SPEF2: variants seen among roughly 807,000 people sequenced by gnomAD.
The protein encoded by SPEF2 is sperm flagellar and cilia associated 2.
Under a neutral mutation model 224.6 loss-of-function variants are expected in SPEF2, and 187 were observed. The observed-to-expected ratio is 0.83, with a 90% CI of 0.74 to 0.94. The LOEUF is 0.94. Among genes scored for constraint, SPEF2 ranks in the 40% least tolerant of loss-of-function variants. SPEF2 has a pLI of 0.00. For missense variants in SPEF2, 2,170 were observed against 2,135.6 expected (o/e 1.02, Z -0.32); for synonymous variants, 715 against 707.3 (o/e 1.01, Z -0.17).
intron 1 of SPEF2, among the ~76,000 whole-genome samples, chr5:35,618,646 A>G (rs190564564): frequency 2.0e-5 from 3 of 152,130 alleles, no homozygotes; most frequent in Admixed American, 1.3e-4. Context: ...AACATTTACA[A>G]ATTTTAGTAA....
chr5:35,692,244 C>G (rs1206407499), intron 11 of SPEF2, among the ~76,000 whole-genome samples: 1 of 151,918 alleles, frequency 6.6e-6, no homozygotes, highest in African/African-American at 2.4e-5. Context: ...AACCCCATCT[C>G]TACTAAAAAT....
At chr5:35,744,075 A>G (rs2149701432) in intron 23 of SPEF2, among the ~76,000 whole-genome samples, 1 of 152,350 alleles carries the variant, frequency 6.6e-6, no homozygotes, top group Middle Eastern at 3.4e-3. Context: ...TATCAATACC[A>G]TAAACCTTGC....
intron 26 of SPEF2, among the ~76,000 whole-genome samples, chr5:35,769,182 T>C (rs1286954201): frequency 6.6e-6 from 1 of 152,120 alleles, no homozygotes; most frequent in African/African-American, 2.4e-5. Flanking sequence ...ATAATTATCA[T>C]CATCACAAAG....
At chr5:35,635,477 A>G (rs992115669) in intron 2 of SPEF2, among the ~76,000 whole-genome samples, 33 of 152,178 alleles carry the variant, frequency 2.2e-4, no homozygotes, top group African/African-American at 8.0e-4. Flanking sequence ...TTGCTCTAGT[A>G]TATTGACTTT....
chr5:35,643,085 G>C (rs535098955), intron 3 of SPEF2, among the ~76,000 whole-genome samples: 3 of 152,276 alleles, frequency 2.0e-5, no homozygotes, highest in Admixed American at 2.0e-4. Flanking sequence ...AAAAAGAGTG[G>C]ACTAACTGGA....
intron 2 of SPEF2, among the ~76,000 whole-genome samples, chr5:35,635,795 T>G (rs1313001084): frequency 6.6e-6 from 1 of 152,204 alleles, no homozygotes; most frequent in Non-Finnish European, 1.5e-5. Context: ...TGCTTCAGCC[T>G]CATAGAGTGT....
intron 20 of SPEF2, among the ~76,000 whole-genome samples, chr5:35,725,007 C>G (rs1191117952): frequency 6.6e-6 from 1 of 151,822 alleles, no homozygotes; most frequent in Non-Finnish European, 1.5e-5. Context: ...CGCAGAGTAA[C>G]AGCATAAATT....
intron 10 of SPEF2, among the ~76,000 whole-genome samples, chr5:35,679,774 T>G (rs1752534698): frequency 6.6e-6 from 1 of 152,198 alleles, no homozygotes; most frequent in Non-Finnish European, 1.5e-5. Flanking sequence ...CCTGACTTAT[T>G]TCCTGCCTAG....
At chr5:35,692,236 C>T (rs186416085) in intron 11 of SPEF2, among the ~76,000 whole-genome samples, 25 of 152,014 alleles carry the variant, frequency 1.6e-4, no homozygotes, top group African/African-American at 6.0e-4. Flanking sequence ...CATGGTGAAA[C>T]CCCATCTCTA....
In SPEF2 at chr5:35,649,367, GCT is replaced by G; in HGVS notation, c.734_735del (p.Ala245GlyfsTer2). 6.2e-7 allele frequency: 1 copy of G among 1,611,378 alleles called. No individual in the cohort carries two copies. Among genetic ancestry groups the G allele is most frequent in the Non-Finnish European group, 8.5e-7 (1 of 1,178,946 alleles). On this transcript the variant is annotated frameshift_variant, in exon 6 of 37. Transcript: ENST00000356031. LOFTEE classifies it high-confidence loss of function. ...TGATGAATTTTCTTTAAAGGATGTG[GCT>G]GATGAAATTAAGAAGTTCGAAGCAT... ...MKKKKEAEDV[A>X]DEIKKFEALI...
intron 23 of SPEF2, among the ~76,000 whole-genome samples, chr5:35,747,400 A>G (rs1446048029): frequency 6.6e-6 from 1 of 152,234 alleles, no homozygotes; most frequent in Non-Finnish European, 1.5e-5. Flanking sequence ...GAACTGCAGA[A>G]TGGATAAGAA....
At chr5:35,746,022 C>A (rs1748473508) in intron 23 of SPEF2, among the ~76,000 whole-genome samples, 1 of 152,196 alleles carries the variant, frequency 6.6e-6, no homozygotes, top group Non-Finnish European at 1.5e-5. Flanking sequence ...CCCCCAGTAC[C>A]AACCCGGAGC....
chr5:35,783,313 T>A lies in SPEF2; in HGVS notation c.4447+3967T>A, dbSNP rs547782750. The stretch of plus-strand genomic sequence containing the variant: ...CACCTCTTGTCAAAAGACTGTCATA[T>A]GATCTTGGACAAGTTATTAAATTTC... On this transcript the variant is annotated intron_variant, in intron 30 of 36. Coordinates refer to ENST00000356031, the MANE Select transcript of SPEF2 (RefSeq NM_024867.4). Among the ~76,000 whole-genome samples the A allele has an allele frequency of 2.0e-5, 3 of 152,332 alleles. No individual in the cohort carries two copies. In the East Asian group the frequency reaches 5.8e-4, roughly 29 times the overall value.
At chr5:35,806,986 A>C in intron 35 of SPEF2, 34 bp downstream of exon 35, 1 of 1,575,316 alleles carries the variant, frequency 6.3e-7, no homozygotes, top group Non-Finnish European at 8.6e-7. Flanking sequence ...AGTTGGCCTC[A>C]ATTCTGAGCA....
Position 35,705,731 on chromosome 5 carries a change from C to G in SPEF2, c.2588C>G (p.Ala863Gly). ...EPENILIKIN[A>G]EIDKESLCEK... ...GAAAATATTTTGATAAAAATCAATG[C>G]TGAAATAGATAAGGAATCTTTATGT... The change falls in exon 18 of 37, where the codon GCT (alanine) becomes GGT (glycine). Residue 863 changes from alanine (A) to glycine (G), a missense_variant. Transcript: ENST00000356031. 1 of 1,575,790 alleles carries G rather than the reference C, an allele frequency of 6.3e-7. No homozygotes were observed. The highest frequency in any genetic ancestry group is 8.6e-7 in the Non-Finnish European group (1 of 1,159,558).
chr5:35,645,267 A>G (rs991250888), intron 4 of SPEF2, among the ~76,000 whole-genome samples: 1 of 152,208 alleles, frequency 6.6e-6, no homozygotes, highest in Non-Finnish European at 1.5e-5. Flanking sequence ...ATTTGCAATG[A>G]TAAGAAATTA....
intron 23 of SPEF2, among the ~76,000 whole-genome samples, chr5:35,752,626 T>C (rs1465342789): frequency 0.012 from 1 of 86 alleles, no homozygotes; most frequent in Non-Finnish European, 0.033. Flanking sequence ...GCAAAAGCTG[T>C]CGATTTTTAT....
intron 30 of SPEF2, chr5:35,790,197 A>G (rs1363273499): frequency 1.4e-6 from 1 of 696,980 alleles, no homozygotes; most frequent in African/African-American, 1.8e-5. Context: ...GCATGCAAAA[A>G]TCAAGGCTGA....
chr5:35,747,745 C>T (rs1268015246), intron 23 of SPEF2, among the ~76,000 whole-genome samples: 3 of 152,028 alleles, frequency 2.0e-5, no homozygotes, highest in African/African-American at 7.2e-5. Flanking sequence ...TGGGGGACAA[C>T]AATATTCTAC....
Sources: gnomAD v4.1 joint callset for allele counts (sites outside exome capture counted in the v4.1 genomes callset) on GRCh38, gnomAD v4.1.1 for gene constraint, MANE v1.5 for transcripts, NCBI Gene and HGNC (gene_info 2026-07-23, HGNC 2026-07-21) for gene names.